Variants in MYO10 observed in about 807,000 individuals in gnomAD.
MYO10 encodes the protein unconventional myosin-X.
In MYO10, 133 loss-of-function variants were observed where a neutral mutation model predicts 257.3. That is an observed-to-expected ratio of 0.52 (90% confidence interval 0.45 to 0.60). MYO10 has a LOEUF of 0.60. Among genes scored for constraint, MYO10 ranks in the 20% least tolerant of loss-of-function variants. The pLI is 0.00. For synonymous variants in MYO10, 1,104 were observed against 1,028.6 expected, an observed-to-expected ratio of 1.07 and a Z score of -1.40; for missense variants, 2,399 against 2,635.7, an observed-to-expected ratio of 0.91 and a Z score of 1.97.
chr5:16,756,734 G>A (rs1349593075), intron 18 of MYO10, among the ~76,000 whole-genome samples: 1 of 151,964 alleles, frequency 6.6e-6, no homozygotes, highest in African/African-American at 2.4e-5. Context: ...TCCTGCCTTC[G>A]CCTGCACCTG....
intron 19 of MYO10, among the ~76,000 whole-genome samples, chr5:16,725,970 T>C (rs755173311): frequency 2.0e-4 from 30 of 151,944 alleles, no homozygotes; most frequent in Admixed American, 6.6e-5. Context: ...GTATTTTCAG[T>C]AGAGACAGAT....
chr5:16,721,725 C>T (rs1338912488), intron 19 of MYO10, among the ~76,000 whole-genome samples: 1 of 152,172 alleles, frequency 6.6e-6, no homozygotes, highest in East Asian at 1.9e-4. Flanking sequence ...TGAGCAAGGA[C>T]ACTCACACTC....
chr5:16,869,125 C>T (rs1469390318), intron 2 of MYO10, among the ~76,000 whole-genome samples: 16 of 151,780 alleles, frequency 1.1e-4, no homozygotes, highest in South Asian at 2.1e-4. Flanking sequence ...CCCAGGTTCA[C>T]GCCATTCTCC....
At position 16,701,271 on chromosome 5, in the gene MYO10, G is replaced by T. The variant is rs1384565930; in HGVS notation, c.3124C>A (p.Pro1042Thr). ...EDPYMNDTVVPTSPSADSTVL... is the reference protein window; with the variant it reads ...EDPYMNDTVVTTSPSADSTVL... ...GTGCTGTCCGCACTGGGGCTGGTGG[G>T]CACCACCGTGTCGTTCATGTATGGG... Residue 1042 changes from proline (P) to threonine (T), a missense_variant, in exon 25 of 41, where the codon CCC (proline) becomes ACC (threonine). Around this residue, in one of 3 missense-constraint regions of MYO10, gnomAD observed 1,820 missense variants for 1,939.4 expected, o/e 0.94. Transcript: ENST00000513610. The surrounding 1 kb of genome is among the most constrained non-coding windows in gnomAD (Gnocchi z 8.1). 6.2e-7 allele frequency: 1 copy of T among 1,613,660 alleles called. No individual in the cohort carries two copies. Among genetic ancestry groups the T allele is most frequent in the Admixed American group, 1.7e-5 (1 of 59,992 alleles).
intron 3 of MYO10, among the ~76,000 whole-genome samples, chr5:16,799,506 T>C (rs1442148145): frequency 6.6e-6 from 1 of 152,058 alleles, no homozygotes; most frequent in African/African-American, 2.4e-5. Context: ...CTTTTTTTTT[T>C]TTTTGAGACT....
At position 16,769,416 on chromosome 5, in the gene MYO10, C is replaced by T. The variant is rs113923854; in HGVS notation, c.931-213G>A. Reference sequence around the variant, plus strand: ...GTGGCACGATCTTGGCTCACTGCAACCTCCGCCTCCTGGGTTCAAGCAATT... The same window carrying T: ...GTGGCACGATCTTGGCTCACTGCAATCTCCGCCTCCTGGGTTCAAGCAATT... On this transcript the variant is annotated intron_variant, in intron 9 of 40. Transcript: ENST00000513610. Among the ~76,000 whole-genome samples, 9 of 152,238 alleles carry T rather than the reference C, an allele frequency of 5.9e-5. 1 individual carries two copies. The highest frequency in any genetic ancestry group is 2.1e-4 in the South Asian group (1 of 4,818).
At chr5:16,853,489 C>G (rs749348858) in intron 2 of MYO10, among the ~76,000 whole-genome samples, 1 of 152,152 alleles carries the variant, frequency 6.6e-6, no homozygotes, top group Non-Finnish European at 1.5e-5. Flanking sequence ...GTCAAAGCCA[C>G]CTGCAGTGGT....
At chr5:16,828,725 C>T (rs1354225801) in intron 2 of MYO10, among the ~76,000 whole-genome samples, 2 of 151,476 alleles carry the variant, frequency 1.3e-5, no homozygotes, top group African/African-American at 4.9e-5. Context: ...TCCTGGTACA[C>T]TAAGTTTGTT....
At chr5:16,891,385 A>T (rs1745054977) in intron 1 of MYO10, among the ~76,000 whole-genome samples, 1 of 141,222 alleles carries the variant, frequency 7.1e-6, no homozygotes, top group African/African-American at 2.6e-5. Flanking sequence ...GGAAGGAGAG[A>T]GAGAGGAAGG....
chr5:16,784,565 T>C (rs1244176998), intron 4 of MYO10, among the ~76,000 whole-genome samples: 1 of 152,096 alleles, frequency 6.6e-6, no homozygotes, highest in Non-Finnish European at 1.5e-5. Flanking sequence ...CTTGGTGTTG[T>C]GCAGAGAACA....
chr5:16,824,711 A>G (rs1476867376), intron 2 of MYO10, among the ~76,000 whole-genome samples: 1 of 152,128 alleles, frequency 6.6e-6, no homozygotes, highest in Non-Finnish European at 1.5e-5. Flanking sequence ...TACTAAAAAT[A>G]CAAAAATTAG....
Position 16,683,141 on chromosome 5 carries a change from T to C in MYO10, c.4046+739A>G, listed in dbSNP as rs545713021. Among the ~76,000 whole-genome samples the C allele has an allele frequency of 3.3e-5, 5 of 152,300 alleles. No homozygotes were observed. In the East Asian group the frequency reaches 7.7e-4, roughly 24 times the overall value. On this transcript the variant is annotated intron_variant, in intron 30 of 40. Coordinates refer to ENST00000513610, the MANE Select transcript of MYO10 (RefSeq NM_012334.3). ...GTGACTGACAGAGACCCCAGCACTCTAACTCTGCCAAGGAGGCACTATATT... is the reference window on the plus strand; with the variant it reads ...GTGACTGACAGAGACCCCAGCACTCCAACTCTGCCAAGGAGGCACTATATT...
intron 2 of MYO10, among the ~76,000 whole-genome samples, chr5:16,868,026 A>G (rs1561027409): frequency 6.6e-6 from 1 of 152,220 alleles, no homozygotes; most frequent in African/African-American, 2.4e-5. Flanking sequence ...AGTAAACTGA[A>G]TAACTACCCC....
intron 19 of MYO10, among the ~76,000 whole-genome samples, chr5:16,753,445 G>A (rs1740439326): frequency 6.6e-6 from 1 of 150,400 alleles, no homozygotes; most frequent in African/African-American, 2.4e-5. Context: ...GGGATTACAG[G>A]CGTGAGCCAC....
At chr5:16,764,711 C>T (rs1477029078) in intron 11 of MYO10, among the ~76,000 whole-genome samples, 3 of 151,900 alleles carry the variant, frequency 2.0e-5, no homozygotes, top group South Asian at 2.1e-4. Context: ...TTTTTTGAGA[C>T]GGAGTCTAGC....
intron 19 of MYO10, among the ~76,000 whole-genome samples, chr5:16,748,355 G>C (rs765948125): frequency 6.6e-6 from 1 of 151,876 alleles, no homozygotes; most frequent in Admixed American, 6.6e-5. Context: ...AACAACTCTC[G>C]TGCCTCAGCC....
intron 1 of MYO10, among the ~76,000 whole-genome samples, chr5:16,884,269 C>A (rs1744835881): frequency 6.6e-6 from 1 of 152,018 alleles, no homozygotes; most frequent in South Asian, 2.1e-4. Context: ...GTGGTGCATG[C>A]CTGTGGTCTC....
In MYO10 at chr5:16,786,267, A is replaced by G. The variant is rs1741577266; in HGVS notation, c.468-2798T>C. ...AGATACGATACTCTTCAAACTCTAC[A>G]GCAGAGGCTTGGTCAAAGAAAGAAA... On this transcript the variant is annotated intron_variant, in intron 4 of 40. Coordinates refer to ENST00000513610, the MANE Select transcript of MYO10 (RefSeq NM_012334.3). Among the ~76,000 whole-genome samples, 3 of 152,196 alleles carry G rather than the reference A, an allele frequency of 2.0e-5. No individual in the cohort carries two copies. In the South Asian group the frequency reaches 6.2e-4, roughly 32 times the overall value.
chr5:16,898,223 A>G (rs1044080856), intron 1 of MYO10, among the ~76,000 whole-genome samples: 1 of 150,242 alleles, frequency 6.7e-6, no homozygotes, highest in Non-Finnish European at 1.5e-5. Flanking sequence ...GGCAAGCCAC[A>G]TATGTAATTT....
Sources: gnomAD v4.1 joint callset for allele counts (sites outside exome capture counted in the v4.1 genomes callset) on GRCh38, gnomAD v4.1.1 for gene constraint, gnomAD v4.1.1 regional missense constraint, Gnocchi (gnomAD v3.1) non-coding constraint, MANE v1.5 for transcripts, NCBI Gene and HGNC (gene_info 2026-07-23, HGNC 2026-07-21) for gene names.